MMP9: variants seen among roughly 807,000 people sequenced by gnomAD.
The protein encoded by MMP9 is matrix metalloproteinase-9.
MMP9 carries 73 observed loss-of-function variants against 76.4 expected under a neutral mutation model. That is an observed-to-expected ratio of 0.96 (90% CI 0.79 to 1.16). MMP9 has a LOEUF of 1.16. MMP9 is among the 50% of genes most tolerant of loss of function. The pLI is 0.00. For missense variants in MMP9, 943 were observed against 973.0 expected (o/e 0.97, Z 0.41); for synonymous variants, 412 against 408.4 (o/e 1.01, Z -0.11).
chr20:46,012,198 C>G lies in MMP9; in HGVS notation c.1059C>G (p.Phe353Leu), dbSNP rs2084284689. ...AGCTGTGCGTCTTCCCCTTCACTTT[C>G]CTGGGTAAGGAGTACTCGACCTGTA... is the stretch of plus-strand genomic sequence containing the variant. ...AGELCVFPFTFLGKEYSTCTS... is the reference protein window; with the variant it reads ...AGELCVFPFTLLGKEYSTCTS... The change falls in exon 7 of 13, where the codon TTC (phenylalanine) becomes TTG (leucine). Residue 353 changes from phenylalanine (F) to leucine (L), a missense_variant. By Grantham distance (22) the Phe-to-Leu change is conservative. Transcript: ENST00000372330. 1.1e-5 allele frequency: 18 copies of G among 1,614,148 alleles called. No individual in the cohort carries two copies. Among genetic ancestry groups the G allele is most frequent in the Non-Finnish European group, 1.5e-5 (18 of 1,180,034 alleles).
intron 12 of MMP9, 125 bp from the exon 13 acceptor site, chr20:46,016,125 T>C: frequency 1.1e-6 from 1 of 919,264 alleles, no homozygotes; most frequent in Non-Finnish European, 1.8e-6. Context: ...GGGATGGAGG[T>C]GATATGTGAA....
chr20:46,012,368 G>C, intron 7 of MMP9, 55 bp downstream of exon 7: 1 of 1,613,160 alleles, frequency 6.2e-7, no homozygotes, highest in Non-Finnish European at 8.5e-7. Flanking sequence ...GTGGTGGTGG[G>C]GTGGCCAGGG....
chr20:46,014,094 C>G (rs199652292), intron 10 of MMP9, 30 bp from the exon 11 acceptor site: 152 of 1,534,162 alleles, frequency 9.9e-5, no homozygotes, highest in Admixed American at 9.2e-4. Context: ...CTCTGCGCCC[C>G]CAAACCGACG....
chr20:46,012,270 G>A lies in MMP9; in HGVS notation c.1131G>A (p.Ser377=), dbSNP rs756800294. The A allele has an allele frequency of 1.8e-5, 29 of 1,613,890 alleles. No individual in the cohort carries two copies. In the East Asian group the frequency reaches 3.8e-4, roughly 21 times the overall value. ...GGCGCCTCTGGTGCGCTACCACCTC[G>A]AACTTTGACAGCGACAAGAAGTGGG... ...GDGRLWCATT[S]NFDSDKKWGF... is the part of the protein sequence containing the mutation. Residue 377 remains serine, a synonymous_variant, in exon 7 of 13, where the codon TCG becomes TCA. Coordinates refer to ENST00000372330, the MANE Select transcript of MMP9 (RefSeq NM_004994.3).
Position 46,016,241 on chromosome 20 carries a change from C to T in MMP9, c.2006-9C>T, listed in dbSNP as rs1344751216. ...AATCACTCCTCTTATGCCTGCCTGT[C>T]TCCTGCAGAGAAAGCCTATTTCTGC... On this transcript the variant is annotated splice_polypyrimidine_tract_variant and intron_variant, in intron 12 of 12. Transcript: ENST00000372330. 6.2e-7 allele frequency: 1 copy of T among 1,612,014 alleles called. No individual in the cohort carries two copies. The highest frequency in any genetic ancestry group is 8.5e-7 in the Non-Finnish European group (1 of 1,178,014).
In MMP9 at chr20:46,014,131, G is replaced by A. The variant is rs1459690362; in HGVS notation, c.1758G>A (p.Gln586=). The change falls in exon 11 of 13, where the codon CAG becomes CAA. Residue 586 remains glutamine (Q), a synonymous_variant. Coordinates refer to ENST00000372330, the MANE Select transcript of MMP9 (RefSeq NM_004994.3). ...GACCCTCCTCCCCTGCAGGGCGCCA[G>A]GTGTGGGTGTACACAGGCGCGTCGG... ...SKKLFFFSGR[Q]VWVYTGASVL... The A allele has an allele frequency of 2.6e-6, 4 of 1,535,614 alleles. No homozygotes were observed. The highest frequency in any genetic ancestry group is 2.0e-5 in the Admixed American group (1 of 51,002).
At position 46,014,259 on chromosome 20, in the gene MMP9, G is replaced by C. The variant is rs1299768724; in HGVS notation, c.1886G>C (p.Gly629Ala). 6.6e-7 allele frequency: 1 copy of C among 1,523,748 alleles called. No homozygotes were observed. The highest frequency in any genetic ancestry group is 8.8e-7 in the Non-Finnish European group (1 of 1,138,566). The allele number at this position is 1,523,748 out of a possible 1,614,324, so 94.4% of individuals were successfully genotyped here. ...SGRGKMLLFSGRRLWRFDVKA... is the reference protein window; with the variant it reads ...SGRGKMLLFSARRLWRFDVKA... ...AGGGGGAAGATGCTGCTGTTCAGCG[G>C]GCGGCGCCTCTGGAGGTGAGCGCCG... The change falls in exon 11 of 13, where the codon GGG becomes GCG. Residue 629 changes from glycine to alanine, a missense_variant. By Grantham distance (60) the Gly-to-Ala change is moderately conservative. Transcript: ENST00000372330.
Position 46,010,576 on chromosome 20 carries a change from C to T in MMP9, c.465C>T (p.Thr155=). 1.2e-6 allele frequency: 2 copies of T among 1,614,170 alleles called. No individual in the cohort carries two copies. The highest frequency in any genetic ancestry group is 1.7e-6 in the Non-Finnish European group (2 of 1,180,028). ...FALWSAVTPL[T]FTRVYSRDAD... is the part of the protein sequence containing the mutation. ...TGTGGAGCGCGGTGACGCCGCTCAC[C>T]TTCACTCGCGTGTACAGCCGGGACG... The change falls in exon 3 of 13, where the codon ACC becomes ACT. Residue 155 remains threonine, a synonymous_variant. Coordinates refer to ENST00000372330, the MANE Select transcript of MMP9 (RefSeq NM_004994.3).
In MMP9 at chr20:46,013,045, T is replaced by C. The variant is rs114262931; in HGVS notation, c.1331-210T>C. Among the ~76,000 whole-genome samples, 460 of 152,250 alleles carry C rather than the reference T, an allele frequency of 3.0e-3. 5 individuals are homozygous for C. The highest frequency in any genetic ancestry group is 0.011 in the African/African-American group (443 of 41,512). On this transcript the variant is annotated intron_variant, in intron 8 of 12. Transcript: ENST00000372330. This position sits in a 1 kb window ranked among gnomAD's most constrained non-coding sequence, Gnocchi z 4.5. Reference sequence around the variant, plus strand: ...GTTCGAGGCTGTAGTGAGCTATGATTGCACCACTGCATTCCATCCTGGGCC... The same window carrying C: ...GTTCGAGGCTGTAGTGAGCTATGATCGCACCACTGCATTCCATCCTGGGCC...
Position 46,010,321 on chromosome 20 carries a change from C to CAAAAAA in MMP9, c.372-147_372-142dup, listed in dbSNP as rs58031394. 5.3e-4 allele frequency among the ~76,000 whole-genome samples: 33 copies of CAAAAAA among 62,464 alleles called. 3 individuals carry two copies. Among genetic ancestry groups the CAAAAAA allele is most frequent in the Admixed American group, 2.5e-3 (15 of 6,070 alleles). 41.0% of individuals were successfully genotyped at this position (62,464 alleles called of 152,430 possible). ...GGGCCATTGTGAGGGTCTAAGTAGACAAAAAAAAAAAAAAAAAAAACAGTC... is the reference window on the plus strand; with the variant it reads ...GGGCCATTGTGAGGGTCTAAGTAGACAAAAAAAAAAAAAAAAAAAAAAAAAACAGTC... On this transcript the variant is annotated intron_variant, in intron 2 of 12. Coordinates refer to ENST00000372330, the MANE Select transcript of MMP9 (RefSeq NM_004994.3).
At chr20:46,015,741 G>A (rs3918266) in intron 12 of MMP9, among the ~76,000 whole-genome samples, 4 of 152,034 alleles carry the variant, frequency 2.6e-5, no homozygotes, top group Non-Finnish European at 5.9e-5. Context: ...ATGAGCCACC[G>A]CACCCAGCCG....
At chr20:46,009,178 G>C in intron 1 of MMP9, 114 bp downstream of exon 1, 2 of 1,200,224 alleles carry the variant, frequency 1.7e-6, no homozygotes, top group Non-Finnish European at 1.2e-6. Context: ...GGTGGTGATG[G>C]GCGTATCTGA....
chr20:46,010,281 C>T (rs1300714062), intron 2 of MMP9, among the ~76,000 whole-genome samples, 183 bp downstream of exon 2: 1 of 143,236 alleles, frequency 7.0e-6, no homozygotes, highest in African/African-American at 2.7e-5. Flanking sequence ...TCTTGCAATC[C>T]AAGTCCTCCT....
intron 8 of MMP9, 41 bp downstream of exon 8, chr20:46,012,623 G>A: frequency 6.2e-7 from 1 of 1,610,178 alleles, no homozygotes; most frequent in Non-Finnish European, 8.5e-7. Context: ...GGGAAAGGGC[G>A]TGGCTGTGCC....
rs1398120875 is a variant in MMP9 at position 46,014,233 on chromosome 20, CAG to C, written c.1861_1862del (p.Arg621GlyfsTer66). 6.5e-7 allele frequency: 1 copy of C among 1,534,570 alleles called. No homozygotes were observed. The highest frequency in any genetic ancestry group is 1.4e-5 in the African/African-American group (1 of 72,670). On this transcript the variant is annotated frameshift_variant, in exon 11 of 13. Transcript: ENST00000372330. LOFTEE classifies it high-confidence loss of function. ...AQVTGALRSG[R>X]GKMLLFSGRR... ...AGGTGACCGGGGCCCTCCGGAGTGG[CAG>C]GGGGAAGATGCTGCTGTTCAGCGGG...
At chr20:46,010,321 C>CAAA (rs58031394) in intron 2 of MMP9, among the ~76,000 whole-genome samples, 162 bp from the exon 3 acceptor site, 3 of 62,502 alleles carry the variant, frequency 4.8e-5, no homozygotes, top group African/African-American at 1.7e-4. Context: ...TCTAAGTAGA[C>CAAA]AAAAAAAAAA....
In MMP9 at chr20:46,014,135, T is replaced by A; in HGVS notation, c.1762T>A (p.Trp588Arg). ...KLFFFSGRQV[W>R]VYTGASVLGP... Reference sequence around the variant, plus strand: ...CTCCTCCCCTGCAGGGCGCCAGGTGTGGGTGTACACAGGCGCGTCGGTGCT... The same window carrying A: ...CTCCTCCCCTGCAGGGCGCCAGGTGAGGGTGTACACAGGCGCGTCGGTGCT... The change falls in exon 11 of 13, where the codon TGG becomes AGG. Residue 588 changes from tryptophan to arginine, a missense_variant. Physicochemically the swap from Trp to Arg is moderately radical, Grantham distance 101 (BLOSUM62 -3). Coordinates refer to ENST00000372330, the MANE Select transcript of MMP9 (RefSeq NM_004994.3). 1 of 1,535,790 alleles carries A rather than the reference T, an allele frequency of 6.5e-7. No individual in the cohort carries two copies. Among genetic ancestry groups the A allele is most frequent in the Non-Finnish European group, 8.7e-7 (1 of 1,146,606 alleles).
chr20:46,013,618 A>C lies in MMP9; in HGVS notation c.1611-39A>C, dbSNP rs756255359. On this transcript the variant is annotated intron_variant, in intron 9 of 12. Coordinates refer to ENST00000372330, the MANE Select transcript of MMP9 (RefSeq NM_004994.3). The surrounding 1 kb of genome is among the most constrained non-coding windows in gnomAD (Gnocchi z 4.5). ...CTTCCCGCCCACTGGCCCTGTGTCCAAGGCTTAGAGCCCGTCCTTTCCCTC... is the reference window on the plus strand; with the variant it reads ...CTTCCCGCCCACTGGCCCTGTGTCCCAGGCTTAGAGCCCGTCCTTTCCCTC... 2 of 1,613,682 alleles carry C rather than the reference A, an allele frequency of 1.2e-6. No individual in the cohort carries two copies.
In MMP9 at chr20:46,013,849, G is replaced by A; in HGVS notation, c.1750+53G>A. 6.2e-7 allele frequency: 1 copy of A among 1,607,782 alleles called. No homozygotes were observed. The highest frequency in any genetic ancestry group is 1.1e-5 in the South Asian group (1 of 90,340). ...CCGGTCAATCCCCATCAGTCAAGGA[G>A]GCTCAAGAGACCATCGATAACCCAC... On this transcript the variant is annotated intron_variant, in intron 10 of 12. Coordinates refer to ENST00000372330, the MANE Select transcript of MMP9 (RefSeq NM_004994.3). The surrounding 1 kb of genome is among the most constrained non-coding windows in gnomAD (Gnocchi z 4.5).
Sources: allele counts gnomAD v4.1 joint callset (sites outside exome capture counted in the v4.1 genomes callset), GRCh38; gene constraint gnomAD v4.1.1; non-coding constraint Gnocchi (gnomAD v3.1); transcripts MANE v1.5; gene names NCBI Gene and HGNC (gene_info 2026-07-23, HGNC 2026-07-21).